PAX5: variants seen among roughly 807,000 people sequenced by gnomAD.
The protein encoded by PAX5 is paired box protein Pax-5.
In PAX5, 9 loss-of-function variants were observed where a neutral mutation model predicts 43.7. The observed-to-expected ratio is 0.21, with a 90% CI of 0.12 to 0.36. PAX5 has a LOEUF of 0.36. Among genes scored for constraint, PAX5 ranks in the 10% least tolerant of loss-of-function variants. The probability of loss-of-function intolerance (pLI) is 1.00; values close to 1 mark genes in which losing one functional copy is unlikely to be tolerated. For missense variants in PAX5, 383 were observed against 532.7 expected, an observed-to-expected ratio of 0.72 and a Z score of 2.77; for synonymous variants, 228 against 214.3, an observed-to-expected ratio of 1.06 and a Z score of -0.56.
intron 7 of PAX5, among the ~76,000 whole-genome samples, chr9:36,919,655 A>G (rs1829980066): frequency 6.6e-6 from 1 of 152,072 alleles, no homozygotes; most frequent in Admixed American, 6.5e-5. Flanking sequence ...ATCCTGGTCA[A>G]GATGGTGAAA....
intron 7 of PAX5, among the ~76,000 whole-genome samples, chr9:36,907,552 T>C (rs181167710): frequency 4.5e-4 from 68 of 152,256 alleles, no homozygotes; most frequent in African/African-American, 1.6e-3. Context: ...TGAGAGAGAT[T>C]CGCCCCCTAG....
chr9:36,979,695 G>C (rs375254299), intron 5 of PAX5, among the ~76,000 whole-genome samples: 1 of 152,108 alleles, frequency 6.6e-6, no homozygotes, highest in Non-Finnish European at 1.5e-5. Flanking sequence ...TGAGAGCCCT[G>C]GTGTCTCACC....
chr9:36,969,668 C>T (rs977089276), intron 5 of PAX5, among the ~76,000 whole-genome samples: 1 of 152,234 alleles, frequency 6.6e-6, no homozygotes, highest in African/African-American at 2.4e-5. Context: ...TCAGCCATAG[C>T]CTCTGCCAGC....
intron 5 of PAX5, among the ~76,000 whole-genome samples, chr9:36,985,891 C>G (rs1046208650): frequency 3.3e-5 from 5 of 152,238 alleles, no homozygotes; most frequent in Non-Finnish European, 7.3e-5. Context: ...AAGATCAGAA[C>G]CCCCACTCAG....
At chr9:36,949,264 GC>G (rs1832808871) in intron 6 of PAX5, among the ~76,000 whole-genome samples, 1 of 152,038 alleles carries the variant, frequency 6.6e-6, no homozygotes, top group African/African-American at 2.4e-5. Flanking sequence ...GTTTCACCAT[GC>G]TAGCCAGGAT....
chr9:36,998,818 A>G (rs769234970), intron 5 of PAX5, among the ~76,000 whole-genome samples: 1 of 152,264 alleles, frequency 6.6e-6, no homozygotes, highest in Non-Finnish European at 1.5e-5. Flanking sequence ...AAAACTTGGC[A>G]GCAAAAATAA....
chr9:36,935,153 G>A (rs983799400), intron 6 of PAX5, among the ~76,000 whole-genome samples: 8 of 152,058 alleles, frequency 5.3e-5, no homozygotes, highest in African/African-American at 1.9e-4. Flanking sequence ...AGGCCGAGGC[G>A]GGCAGATCAT....
chr9:36,942,337 T>C (rs1294147257), intron 6 of PAX5, among the ~76,000 whole-genome samples: 1 of 152,216 alleles, frequency 6.6e-6, no homozygotes, highest in Non-Finnish European at 1.5e-5. Context: ...AAAGCAACAC[T>C]TGGAGTTAGG....
chr9:36,874,047 A>G (rs1163097644), intron 8 of PAX5, among the ~76,000 whole-genome samples: 12 of 152,156 alleles, frequency 7.9e-5, no homozygotes, highest in Non-Finnish European at 1.3e-4. Flanking sequence ...GCAGGCCTGT[A>G]GGGCAGGCAA....
Position 36,840,330 on chromosome 9 carries a change from C to T in PAX5, c.*230G>A, listed in dbSNP as rs115057496. On this transcript the variant is annotated 3_prime_UTR_variant, in exon 10 of 10. Transcript: ENST00000358127. ...TGGTTTGCAGAGACCCAGTGGCCAT[C>T]GGGAGAAGCTCATAGATTGGCTTTT... 5.7e-3 allele frequency: 3,485 copies of T among 608,552 alleles called. 95 individuals are homozygous for T. The highest frequency in any genetic ancestry group is 0.057 in the African/African-American group (3,086 of 54,144). 37.7% of individuals were successfully genotyped at this position (608,552 alleles called of 1,614,324 possible).
At chr9:36,930,082 C>T (rs1459064095) in intron 6 of PAX5, among the ~76,000 whole-genome samples, 1 of 151,894 alleles carries the variant, frequency 6.6e-6, no homozygotes, top group Non-Finnish European at 1.5e-5. Context: ...GGTGTGTGCA[C>T]CATCCTCACA....
chr9:36,933,123 G>A (rs1288268966), intron 6 of PAX5, among the ~76,000 whole-genome samples: 1 of 142,414 alleles, frequency 7.0e-6, no homozygotes, highest in Non-Finnish European at 1.5e-5. Context: ...CAGCCTGGGT[G>A]ACAGAGGGAG....
intron 7 of PAX5, among the ~76,000 whole-genome samples, chr9:36,903,455 G>A (rs1828564947): frequency 6.6e-6 from 1 of 152,192 alleles, no homozygotes; most frequent in Non-Finnish European, 1.5e-5. Flanking sequence ...CTTTGGTCTA[G>A]GTGGGGAGTT....
At chr9:36,997,750 C>T (rs3758172) in intron 5 of PAX5, among the ~76,000 whole-genome samples, 19,152 of 152,264 alleles carry the variant, frequency 0.13, 1,836 homozygotes, top group African/African-American at 0.25. Flanking sequence ...AGAGCCATCC[C>T]GCAGGCCTCC....
chr9:36,869,953 TGG>T, intron 8 of PAX5, among the ~76,000 whole-genome samples: 7 of 147,016 alleles, frequency 4.8e-5, no homozygotes, highest in Non-Finnish European at 4.5e-5. Context: ...GATGGATGGA[TGG>T]ATGGATAAAT....
At chr9:36,896,342 G>A (rs1046626164) in intron 7 of PAX5, among the ~76,000 whole-genome samples, 11 of 151,770 alleles carry the variant, frequency 7.2e-5, no homozygotes, top group African/African-American at 2.7e-4. Context: ...AGACAACGCT[G>A]ATATTTTGTA....
At chr9:37,012,100 TC>T (rs1838980692) in intron 3 of PAX5, among the ~76,000 whole-genome samples, 1 of 152,040 alleles carries the variant, frequency 6.6e-6, no homozygotes, top group Non-Finnish European at 1.5e-5. Context: ...CAGAGAATAC[TC>T]CCAAAAAGGA....
At chr9:36,933,100 C>T (rs1462746522) in intron 6 of PAX5, among the ~76,000 whole-genome samples, 1 of 147,910 alleles carries the variant, frequency 6.8e-6, no homozygotes, top group Admixed American at 6.8e-5. Context: ...GCCAAGATCG[C>T]ACCACTGCAT....
intron 3 of PAX5, among the ~76,000 whole-genome samples, chr9:37,010,227 G>A (rs753152895): frequency 3.9e-5 from 6 of 152,168 alleles, no homozygotes; most frequent in South Asian, 2.1e-4. Flanking sequence ...CAAATTGCCC[G>A]TCCCTTACCT....
Sources: gnomAD v4.1 joint callset for allele counts (sites outside exome capture counted in the v4.1 genomes callset) on GRCh38, gnomAD v4.1.1 for gene constraint, MANE v1.5 for transcripts, NCBI Gene and HGNC (gene_info 2026-07-23, HGNC 2026-07-21) for gene names.